The following CCDC3 variants were observed in gnomAD, a reference collection of about 807,000 sequenced individuals.
The protein encoded by CCDC3 is coiled-coil domain containing 3, also known as coiled-coil domain-containing protein 3.
Under a neutral mutation model 21.4 loss-of-function variants are expected in CCDC3, and 24 were observed. That is an observed-to-expected ratio of 1.12 (90% confidence interval 0.81 to 1.58). The LOEUF (loss-of-function observed/expected upper bound fraction) is 1.58, where lower values mean the gene tolerates loss of function less well. CCDC3 is among the 40% of genes most tolerant of loss of function. The pLI is 0.00. For missense variants in CCDC3, 425 were observed against 360.9 expected (o/e 1.18, Z -1.44); for synonymous variants, 186 against 166.0 (o/e 1.12, Z -0.93).
chr10:12,932,649 AT>A (rs57377325), intron 2 of CCDC3, among the ~76,000 whole-genome samples: 1 of 151,492 alleles, frequency 6.6e-6, no homozygotes, highest in Non-Finnish European at 1.5e-5. Context: ...TATACCTTTG[AT>A]TTTTTTTTCT....
At chr10:12,981,607 C>T (rs1156945897) in intron 2 of CCDC3, among the ~76,000 whole-genome samples, 5 of 152,108 alleles carry the variant, frequency 3.3e-5, no homozygotes, top group Non-Finnish European at 4.4e-5. Flanking sequence ...GGAAATGAGG[C>T]CAGTGAAGCC....
intron 2 of CCDC3, among the ~76,000 whole-genome samples, chr10:12,990,096 CA>C (rs1175374574): frequency 1.3e-5 from 2 of 151,788 alleles, no homozygotes; most frequent in South Asian, 4.2e-4. Flanking sequence ...ACTAAAAATA[CA>C]AAAAATTAGC....
chr10:13,095,222 T>A (rs1378317608), intron 3 of CCDC3, among the ~76,000 whole-genome samples: 1 of 152,136 alleles, frequency 6.6e-6, no homozygotes, highest in Non-Finnish European at 1.5e-5. Flanking sequence ...AAGGAACTCA[T>A]CCTCGGAATA....
intron 5 of CCDC3, among the ~76,000 whole-genome samples, chr10:13,036,195 GTAA>G (rs1396912931): frequency 6.6e-6 from 1 of 152,186 alleles, no homozygotes; most frequent in East Asian, 1.9e-4. Flanking sequence ...CCAGGATGAA[GTAA>G]TACAGAAAAG....
In CCDC3 at chr10:12,900,690, C is replaced by CAAA. The variant is rs547349413; in HGVS notation, c.550-2014_550-2012dup. Among the ~76,000 whole-genome samples the CAAA allele has an allele frequency of 4.4e-4, 28 of 63,412 alleles. 1 individual carries two copies. Among genetic ancestry groups the CAAA allele is most frequent in the African/African-American group, 1.5e-3 (23 of 15,090 alleles). The allele number at this position is 63,412 out of a possible 152,430, so 41.6% of individuals were successfully genotyped here. A position where few individuals can be genotyped will look rare whatever the true frequency, so the allele number is the denominator to read the frequency against. ...TGGGTGACAAAGAGACACTCCATCTCAAAAAAAAAAAAAAAAAAACAAACT... is the reference window on the plus strand; with the variant it reads ...TGGGTGACAAAGAGACACTCCATCTCAAAAAAAAAAAAAAAAAAAAAACAAACT... On this transcript the variant is annotated intron_variant, in intron 2 of 2. Transcript: ENST00000378825.
At chr10:12,933,581 C>CA (rs1363236574) in intron 2 of CCDC3, among the ~76,000 whole-genome samples, 1 of 151,890 alleles carries the variant, frequency 6.6e-6, no homozygotes, top group African/African-American at 2.4e-5. Context: ...CCTCAGCCAC[C>CA]AAAGCAGCTG....
intron 5 of CCDC3, among the ~76,000 whole-genome samples, chr10:13,026,205 A>T (rs945439589): frequency 1.1e-4 from 17 of 152,226 alleles, no homozygotes; most frequent in African/African-American, 3.6e-4. Flanking sequence ...TAAATAATTT[A>T]AAAAATAAAA....
intron 2 of CCDC3, among the ~76,000 whole-genome samples, chr10:12,941,391 T>C (rs1195543061): frequency 6.6e-6 from 1 of 152,228 alleles, no homozygotes; most frequent in East Asian, 1.9e-4. Context: ...TTTATTCTTG[T>C]ACTTTCTTTC....
rs1304681781 is a variant in CCDC3 at position 12,898,416 on chromosome 10, T to C, written c.813A>G (p.Ter271=). ...GPVRPPYLRG[*] Reference sequence around the variant, plus strand: ...GCACACCTGGCAGCCCCCAGGCCCGTTACCCCCGCAGGTAGGGGGGGCGCA... The same window carrying C: ...GCACACCTGGCAGCCCCCAGGCCCGCTACCCCCGCAGGTAGGGGGGGCGCA... Residue 271 remains the stop codon, a stop_retained_variant, in exon 3 of 3, where the codon TAA becomes TAG. Coordinates refer to ENST00000378825, the MANE Select transcript of CCDC3 (RefSeq NM_031455.4). 1 of 1,595,338 alleles carries C rather than the reference T, an allele frequency of 6.3e-7. No homozygotes were observed. Among genetic ancestry groups the C allele is most frequent in the African/African-American group, 1.3e-5 (1 of 74,142 alleles).
rs2131189546 is a variant in CCDC3, at chr10:12,897,396, C to G, written c.*1020G>C. The G allele has an allele frequency of 6.6e-6, 1 of 152,282 alleles. No homozygotes were observed. 9.4% of individuals were successfully genotyped at this position (152,282 alleles called of 1,614,324 possible). ...CAAGTGCACTGACGTACACGTATTC[C>G]TATCGGAACAAACAAGGCTTGTTGT... On this transcript the variant is annotated 3_prime_UTR_variant, in exon 3 of 3. Transcript: ENST00000378825.
chr10:12,965,466 T>C (rs1835249587), intron 2 of CCDC3, among the ~76,000 whole-genome samples: 1 of 152,178 alleles, frequency 6.6e-6, no homozygotes, highest in African/African-American at 2.4e-5. Context: ...ACAACTAAAA[T>C]TATGGTTCAG....
chr10:13,095,133 C>A (rs1832615141), intron 3 of CCDC3, among the ~76,000 whole-genome samples: 1 of 60,240 alleles, frequency 1.7e-5, no homozygotes, highest in Non-Finnish European at 5.4e-5. Flanking sequence ...CTGTTTGAGT[C>A]TCTGTTTTCA....
At chr10:12,981,595 G>T (rs1835497830) in intron 2 of CCDC3, among the ~76,000 whole-genome samples, 1 of 152,132 alleles carries the variant, frequency 6.6e-6, no homozygotes, top group Non-Finnish European at 1.5e-5. Context: ...AAAAATTCAG[G>T]AGGAAATGAG....
Position 12,917,734 on chromosome 10 carries a change from G to A in CCDC3, c.550-19055C>T, listed in dbSNP as rs186976194. ...ACATGGTATAAAAACATTGCAACCC[G>A]AGTTTCATTATTCTGATGGCTGTAA... On this transcript the variant is annotated intron_variant, in intron 2 of 2. Transcript: ENST00000378825. Among the ~76,000 whole-genome samples the A allele has an allele frequency of 4.6e-5, 7 of 152,240 alleles. No homozygotes were observed. In the East Asian group the frequency reaches 1.2e-3, roughly 25 times the overall value.
intron 5 of CCDC3, among the ~76,000 whole-genome samples, chr10:13,018,747 A>G (rs975751116): frequency 5.3e-5 from 8 of 151,262 alleles, no homozygotes; most frequent in Non-Finnish European, 8.8e-5. Context: ...CCTGGCCAAT[A>G]TGGCGAAACC....
chr10:13,017,981 G>T (rs1336365600), intron 5 of CCDC3, among the ~76,000 whole-genome samples: 1 of 151,946 alleles, frequency 6.6e-6, no homozygotes, highest in Non-Finnish European at 1.5e-5. Flanking sequence ...TCTCAGGTGG[G>T]TCCCTAAAAT....
intron 2 of CCDC3, among the ~76,000 whole-genome samples, chr10:12,960,387 G>A (rs1835163580): frequency 6.6e-6 from 1 of 152,136 alleles, no homozygotes; most frequent in South Asian, 2.1e-4. Context: ...GAAAGACGGA[G>A]GCGGGAGAGA....
At chr10:12,962,049 G>T (rs888794445) in intron 2 of CCDC3, among the ~76,000 whole-genome samples, 7 of 152,138 alleles carry the variant, frequency 4.6e-5, no homozygotes, top group African/African-American at 1.7e-4. Flanking sequence ...TGAAAAGATT[G>T]AAAGTAAGTT....
At position 12,949,571 on chromosome 10, in the gene CCDC3, A is replaced by G. The variant is rs374997352; in HGVS notation, c.549+48767T>C. On this transcript the variant is annotated intron_variant, in intron 2 of 2. Transcript: ENST00000378825. ...TGAGCCAGTATTACTAGGGTTTTCC[A>G]ATACTGAAGCTGAGCTGAATCCTAA... 7.1e-4 allele frequency among the ~76,000 whole-genome samples: 108 copies of G among 152,278 alleles called. 2 individuals are homozygous for G. In the South Asian group the frequency reaches 0.022, roughly 31 times the overall value.
Sources: gnomAD v4.1 joint callset for allele counts (sites outside exome capture counted in the v4.1 genomes callset) on GRCh38, gnomAD v4.1.1 for gene constraint, MANE v1.5 for transcripts, NCBI Gene and HGNC (gene_info 2026-07-23, HGNC 2026-07-21) for gene names.